The following ZKSCAN5 variants were observed in gnomAD, a reference collection of about 807,000 sequenced individuals.
ZKSCAN5 encodes the protein zinc finger with KRAB and SCAN domains 5.
Under a neutral mutation model 60.0 loss-of-function variants are expected in ZKSCAN5, and 28 were observed. The observed-to-expected ratio is 0.47, with a 90% CI of 0.35 to 0.64. The LOEUF (loss-of-function observed/expected upper bound fraction) is 0.64. Among genes scored for constraint, ZKSCAN5 ranks in the 30% least tolerant of loss-of-function variants. The probability of loss-of-function intolerance (pLI) is 0.01; values close to 1 mark genes in which losing one functional copy is unlikely to be tolerated. For missense variants in ZKSCAN5, 881 were observed against 1,034.6 expected (o/e 0.85, Z 2.04); for synonymous variants, 361 against 371.2 (o/e 0.97, Z 0.31).
rs1282142109 is a variant in ZKSCAN5, at chr7:99,532,939, G to GT, written c.*691dup. 1 of 168,370 alleles carries GT rather than the reference G, an allele frequency of 5.9e-6. No individual in the cohort carries two copies. The highest frequency in any genetic ancestry group is 2.4e-5 in the African/African-American group (1 of 42,478). The allele number at this position is 168,370 out of a possible 1,614,324, so 10.4% of individuals were successfully genotyped here. A position where few individuals can be genotyped will look rare whatever the true frequency, so the allele number is the denominator to read the frequency against. On this transcript the variant is annotated 3_prime_UTR_variant, in exon 7 of 7. Transcript: ENST00000326775. Reference sequence around the variant, plus strand: ...TTCTACTGATGTCAGGGTTTAGCCGGTAGAAGGAGTAGTTCAGTTTGTCAA... The same window carrying GT: ...TTCTACTGATGTCAGGGTTTAGCCGGTTAGAAGGAGTAGTTCAGTTTGTCAA...
rs974277769 is a variant in ZKSCAN5, at chr7:99,504,669, C to T, written c.-105C>T. ...AGATGTAGTTCCGGGAACAGCTGGC[C>T]CCTGCGACTCGCGGGTGTGACGTTG... is the stretch of plus-strand genomic sequence containing the variant. On this transcript the variant is annotated 5_prime_UTR_variant, in exon 1 of 7. Transcript: ENST00000326775. The T allele has an allele frequency of 1.3e-5, 2 of 152,260 alleles. No individual in the cohort carries two copies. Among genetic ancestry groups the T allele is most frequent in the African/African-American group, 4.8e-5 (2 of 41,468 alleles). 9.4% of individuals were successfully genotyped at this position (152,260 alleles called of 1,614,324 possible).
chr7:99,522,168 T>C (rs879891605), intron 5 of ZKSCAN5, among the ~76,000 whole-genome samples: 13 of 152,222 alleles, frequency 8.5e-5, no homozygotes, highest in Non-Finnish European at 1.2e-4. Flanking sequence ...CGGAAGGCCA[T>C]GTTAGATTCT....
chr7:99,510,728 G>A (rs1800983271), intron 2 of ZKSCAN5, among the ~76,000 whole-genome samples: 4 of 152,126 alleles, frequency 2.6e-5, no homozygotes, highest in South Asian at 4.2e-4. Context: ...ACAGGCATGA[G>A]CCACTGCGCC....
At chr7:99,520,002 G>A (rs936590344) in intron 4 of ZKSCAN5, 93 bp downstream of exon 4, 5 of 1,530,040 alleles carry the variant, frequency 3.3e-6, no homozygotes, top group Non-Finnish European at 4.5e-6. Context: ...CCCATCTTGG[G>A]TTGGTACCTT....
At chr7:99,520,856 C>T (rs138118971) in intron 5 of ZKSCAN5, among the ~76,000 whole-genome samples, 13 of 152,216 alleles carry the variant, frequency 8.5e-5, no homozygotes, top group African/African-American at 2.2e-4. Flanking sequence ...AAAAATCAGC[C>T]GGGCGTGGTG....
At chr7:99,521,903 A>G (rs1801555212) in intron 5 of ZKSCAN5, among the ~76,000 whole-genome samples, 2 of 152,104 alleles carry the variant, frequency 1.3e-5, no homozygotes, top group South Asian at 2.1e-4. Context: ...TTAATTTCCA[A>G]TAGCTTGCTT....
In ZKSCAN5 at chr7:99,506,196, A is replaced by G; in HGVS notation, c.152A>G (p.Gln51Arg). The change falls in exon 2 of 7, where the codon CAG becomes CGG. Residue 51 changes from glutamine to arginine, a missense_variant. Gln to Arg is a conservative substitution (Grantham distance 43). Transcript: ENST00000326775. ...CCGCCAACGTTTGAGACTTTTTACC[A>G]GCGCTTCAGGCACTTCCAGTACCAT... ...YNPPTFETFY[Q>R]RFRHFQYHEA... 6.2e-7 allele frequency: 1 copy of G among 1,614,190 alleles called. No individual in the cohort carries two copies. Among genetic ancestry groups the G allele is most frequent in the Non-Finnish European group, 8.5e-7 (1 of 1,180,044 alleles).
intron 4 of ZKSCAN5, 48 bp from the exon 5 acceptor site, chr7:99,520,120 CA>C: frequency 1.2e-6 from 2 of 1,602,792 alleles, no homozygotes; most frequent in Non-Finnish European, 1.7e-6. Context: ...CCCCTCACTC[CA>C]AATTTGGACA....
intron 5 of ZKSCAN5, among the ~76,000 whole-genome samples, chr7:99,520,943 C>T (rs941161680): frequency 2.6e-5 from 4 of 152,224 alleles, no homozygotes; most frequent in African/African-American, 7.2e-5. Flanking sequence ...TTATTATGTT[C>T]GCCTTGGCAC....
chr7:99,532,029 A>C lies in ZKSCAN5; in HGVS notation c.2300A>C (p.Tyr767Ser). The C allele has an allele frequency of 6.2e-7, 1 of 1,614,124 alleles. No individual in the cohort carries two copies. Among genetic ancestry groups the C allele is most frequent in the Non-Finnish European group, 8.5e-7 (1 of 1,180,022 alleles). The stretch of plus-strand genomic sequence containing the variant: ...CACACCAAACAACATCAAAAAATCT[A>C]CTCCAGCACAAAATCCCATCAATGT... Reference protein sequence around the residue: ...CSHTKQHQKIYSSTKSHQCHE... With the variant: ...CSHTKQHQKISSSTKSHQCHE... Residue 767 changes from tyrosine (Y) to serine (S), a missense_variant, in exon 7 of 7, where the codon TAC becomes TCC. Physicochemically the swap from Tyr to Ser is moderately radical, Grantham distance 144. Coordinates refer to ENST00000326775, the MANE Select transcript of ZKSCAN5 (RefSeq NM_145102.4).
chr7:99,514,032 CA>C (rs1801159292), intron 3 of ZKSCAN5, among the ~76,000 whole-genome samples: 1 of 152,006 alleles, frequency 6.6e-6, no homozygotes, highest in Non-Finnish European at 1.5e-5. Flanking sequence ...GCAACAAGAG[CA>C]AAACTCCGTC....
chr7:99,505,283 T>TG (rs1447398776), intron 1 of ZKSCAN5: 2 of 152,128 alleles, frequency 1.3e-5, no homozygotes, highest in East Asian at 1.9e-4. Context: ...GAGGAAGTGT[T>TG]GGGGAGTGTC....
In ZKSCAN5 at chr7:99,519,885, T is replaced by C. The variant is rs1451878138; in HGVS notation, c.612T>C (p.Ala204=). 1 of 1,614,070 alleles carries C rather than the reference T, an allele frequency of 6.2e-7. No individual in the cohort carries two copies. The highest frequency in any genetic ancestry group is 2.2e-5 in the East Asian group (1 of 44,894). The change falls in exon 4 of 7, where the codon GCT becomes GCC. Residue 204 remains alanine, a synonymous_variant. Coordinates refer to ENST00000326775, the MANE Select transcript of ZKSCAN5 (RefSeq NM_145102.4). ...LPLKDSQELT[A]SLLSTGSQKL... ...TGAAGGACAGCCAGGAGCTGACAGC[T>C]TCACTTCTCTCAACTGGGTCCCAGG...
chr7:99,512,803 C>G (rs1241373039), intron 3 of ZKSCAN5, among the ~76,000 whole-genome samples: 1 of 150,704 alleles, frequency 6.6e-6, no homozygotes, highest in African/African-American at 2.4e-5. Flanking sequence ...ACACCAGCTT[C>G]TTTTTTTTTC....
chr7:99,524,819 A>T (rs1187094750), intron 5 of ZKSCAN5, among the ~76,000 whole-genome samples: 1 of 152,160 alleles, frequency 6.6e-6, no homozygotes, highest in African/African-American at 2.4e-5. Flanking sequence ...TCACAGGAAG[A>T]GGAAGGTGAA....
At chr7:99,520,424 T>C in intron 5 of ZKSCAN5, 120 bp downstream of exon 5, 1 of 1,210,806 alleles carries the variant, frequency 8.3e-7, no homozygotes. Context: ...TGCTTTTTTT[T>C]ATTTTTTGTA....
Position 99,533,549 on chromosome 7 carries a change from C to T in ZKSCAN5, c.*1300C>T, listed in dbSNP as rs984281950. 4.1e-5 allele frequency: 17 copies of T among 412,028 alleles called. No homozygotes were observed. Among genetic ancestry groups the T allele is most frequent in the African/African-American group, 3.0e-4 (15 of 49,408 alleles). 25.5% of individuals were successfully genotyped at this position (412,028 alleles called of 1,614,324 possible). On this transcript the variant is annotated 3_prime_UTR_variant, in exon 7 of 7. Coordinates refer to ENST00000326775, the MANE Select transcript of ZKSCAN5 (RefSeq NM_145102.4). ...GCTCTGAGTTTGGGCTGCAAGTGCT[C>T]ACAGCTCTTGTTCTCCAGAAACTGG...
At chr7:99,508,068 G>T (rs1327041694) in intron 2 of ZKSCAN5, among the ~76,000 whole-genome samples, 2 of 152,100 alleles carry the variant, frequency 1.3e-5, no homozygotes, top group African/African-American at 4.8e-5. Flanking sequence ...GGGAGGCCGA[G>T]GTGGGCAGTT....
rs772015072 is a variant in ZKSCAN5, at chr7:99,525,831, A to C, written c.791A>C (p.Asn264Thr). The C allele has an allele frequency of 1.9e-6, 3 of 1,612,420 alleles. No homozygotes were observed. The highest frequency in any genetic ancestry group is 1.7e-5 in the Admixed American group (1 of 59,918). ...ITSMGYESRD[N>T]MELIVKQISD... ...ATTTCAGGTTATGAGTCCAGGGACA[A>C]TATGGAGCTCATAGTGAAGCAGATT... The change falls in exon 6 of 7, where the codon AAT (asparagine) becomes ACT (threonine). Residue 264 changes from asparagine to threonine, a missense_variant. Transcript: ENST00000326775.
Sources: gnomAD v4.1 joint callset for allele counts (sites outside exome capture counted in the v4.1 genomes callset) on GRCh38, gnomAD v4.1.1 for gene constraint, MANE v1.5 for transcripts, NCBI Gene and HGNC (gene_info 2026-07-23, HGNC 2026-07-21) for gene names.